PHLDB2: variants seen among roughly 807,000 people sequenced by gnomAD.
PHLDB2 encodes the protein pleckstrin homology like domain family B member 2, also known as pleckstrin homology-like domain family B member 2.
A neutral mutation model predicts 123.6 loss-of-function variants in PHLDB2; 71 were observed. That is an observed-to-expected ratio of 0.57 (90% CI 0.47 to 0.70). PHLDB2 has a LOEUF of 0.70. PHLDB2 is among the 30% of genes least tolerant of loss of function. The probability of loss-of-function intolerance (pLI) is 0.00; values close to 1 mark genes in which losing one functional copy is unlikely to be tolerated. For synonymous variants in PHLDB2, 547 were observed against 541.6 expected, an observed-to-expected ratio of 1.01 and a Z score of -0.14; for missense variants, 1,446 against 1,519.5, an observed-to-expected ratio of 0.95 and a Z score of 0.80.
intron 1 of PHLDB2, among the ~76,000 whole-genome samples, chr3:111,799,359 A>C (rs2061294408): frequency 6.6e-6 from 1 of 152,260 alleles, no homozygotes; most frequent in African/African-American, 2.4e-5. Context: ...TGCTGTAAAT[A>C]AAAGAGGAAT....
intron 2 of PHLDB2, among the ~76,000 whole-genome samples, chr3:111,888,430 A>G (rs1366258893): frequency 6.6e-6 from 1 of 152,106 alleles, no homozygotes; most frequent in African/African-American, 2.4e-5. Flanking sequence ...TCACTTGAGT[A>G]ATAAAGAATT....
chr3:111,857,460 A>G (rs111452080), upstream of PHLDB2, among the ~76,000 whole-genome samples: 1 of 81,072 alleles, frequency 1.2e-5, no homozygotes, highest in Non-Finnish European at 2.7e-5. Flanking sequence ...CAAAAAAAAA[A>G]AAAAGAAAAG....
chr3:111,866,320 A>G (rs2065079595), intron 1 of PHLDB2, among the ~76,000 whole-genome samples: 9 of 152,002 alleles, frequency 5.9e-5, no homozygotes, highest in Admixed American at 5.9e-4. Context: ...GCCCGGCCTC[A>G]TGTACTCAAT....
chr3:111,855,629 CTTTTTTTT>C (rs11368889), upstream of PHLDB2, among the ~76,000 whole-genome samples: 12,549 of 80,392 alleles, frequency 0.16, 773 homozygotes, highest in South Asian at 0.28. Context: ...CTGCATTTGT[CTTTTTTTT>C]TTTTTTTTTT....
chr3:111,931,822 T>C (rs1226305070), intron 5 of PHLDB2, among the ~76,000 whole-genome samples: 2 of 152,226 alleles, frequency 1.3e-5, no homozygotes, highest in Non-Finnish European at 2.9e-5. Flanking sequence ...AAACTTGCCA[T>C]ACAAAGGCCT....
chr3:111,824,331 G>A (rs2067264575), intron 1 of PHLDB2, among the ~76,000 whole-genome samples: 1 of 152,174 alleles, frequency 6.6e-6, no homozygotes, highest in South Asian at 2.1e-4. Context: ...GCTGTTAATG[G>A]TGGCCTAAAG....
At chr3:111,764,309 A>G (rs756369926) in intron 1 of PHLDB2, among the ~76,000 whole-genome samples, 4 of 152,236 alleles carry the variant, frequency 2.6e-5, no homozygotes, top group Non-Finnish European at 5.9e-5. Context: ...TTCTCCTAAA[A>G]GCACTTACAA....
intron 1 of PHLDB2, among the ~76,000 whole-genome samples, chr3:111,757,293 A>T (rs898987344): frequency 6.6e-6 from 1 of 152,040 alleles, no homozygotes. Flanking sequence ...CACCAATCAG[A>T]TGTAGATTTG....
At chr3:111,955,282 TA>T (rs1302323140) in intron 12 of PHLDB2, among the ~76,000 whole-genome samples, 1 of 151,742 alleles carries the variant, frequency 6.6e-6, no homozygotes, top group African/African-American at 2.4e-5. Context: ...TTGAATCAAA[TA>T]AACTGATTGA....
intron 1 of PHLDB2, among the ~76,000 whole-genome samples, chr3:111,802,711 C>G (rs760440683): frequency 1.3e-5 from 2 of 152,216 alleles, no homozygotes; most frequent in Non-Finnish European, 2.9e-5. Context: ...ACATTCGTTA[C>G]AGCAGAGTGA....
chr3:111,823,121 G>A (rs2062486799), intron 1 of PHLDB2, among the ~76,000 whole-genome samples: 1 of 152,218 alleles, frequency 6.6e-6, no homozygotes, highest in Non-Finnish European at 1.5e-5. Context: ...CTTCCAAGTG[G>A]TTGCAAGCCA....
At chr3:111,910,005 T>A (rs1014865628) in intron 2 of PHLDB2, among the ~76,000 whole-genome samples, 2 of 152,092 alleles carry the variant, frequency 1.3e-5, no homozygotes, top group African/African-American at 4.8e-5. Flanking sequence ...CAAGGGCCCT[T>A]GGATGGGTTT....
intron 1 of PHLDB2, among the ~76,000 whole-genome samples, chr3:111,739,733 T>A (rs1447174379): frequency 6.6e-6 from 1 of 152,102 alleles, no homozygotes; most frequent in Non-Finnish European, 1.5e-5. Context: ...AGGTTGTTGC[T>A]AACTGGGTGC....
intron 1 of PHLDB2, among the ~76,000 whole-genome samples, chr3:111,844,856 G>A (rs1236404276): frequency 2.0e-5 from 3 of 152,160 alleles, no homozygotes; most frequent in African/African-American, 7.2e-5. Context: ...GAGACATTGT[G>A]AGAATCAAGT....
At chr3:111,837,444 G>T (rs1191205422) in intron 1 of PHLDB2, among the ~76,000 whole-genome samples, 1 of 151,956 alleles carries the variant, frequency 6.6e-6, no homozygotes, top group East Asian at 1.9e-4. Context: ...TGCTCTTTGG[G>T]GTGCATAGTA....
chr3:111,806,684 C>T (rs1353868933), intron 1 of PHLDB2, among the ~76,000 whole-genome samples: 1 of 152,064 alleles, frequency 6.6e-6, no homozygotes, highest in Non-Finnish European at 1.5e-5. Flanking sequence ...CAGGGTTTCA[C>T]CACACTGGCC....
intron 1 of PHLDB2, among the ~76,000 whole-genome samples, chr3:111,765,245 G>T (rs1421036845): frequency 6.6e-6 from 1 of 152,192 alleles, no homozygotes; most frequent in Non-Finnish European, 1.5e-5. Flanking sequence ...AGGAAGTTGT[G>T]ATATCAGCAC....
chr3:111,833,940 TGG>T lies in PHLDB2; in HGVS notation c.-48-11880_-48-11879del, dbSNP rs1398323188. Reference sequence around the variant, plus strand: ...AGAATTATATATATAATATATGTAATGGAATTATATATATAATATATGTAATG... The same window carrying T: ...AGAATTATATATATAATATATGTAATAATTATATATATAATATATGTAATG... On this transcript the variant is annotated intron_variant, in intron 1 of 17. Coordinates refer to the PHLDB2 transcript ENST00000393923. Among the ~76,000 whole-genome samples the T allele has an allele frequency of 2.2e-5, 2 of 90,900 alleles. 1 individual carries two copies. Among genetic ancestry groups the T allele is most frequent in the African/African-American group, 9.2e-5 (2 of 21,680 alleles). 59.6% of individuals were successfully genotyped at this position (90,900 alleles called of 152,430 possible).
At chr3:111,961,751 C>T (rs186535779) in intron 12 of PHLDB2, among the ~76,000 whole-genome samples, 1 of 152,202 alleles carries the variant, frequency 6.6e-6, no homozygotes, top group Non-Finnish European at 1.5e-5. Flanking sequence ...CACTAGGAGG[C>T]ATCTTATTTT....
Sources: gnomAD v4.1 joint callset for allele counts (sites outside exome capture counted in the v4.1 genomes callset) on GRCh38, gnomAD v4.1.1 for gene constraint, MANE v1.5 for transcripts, NCBI Gene and HGNC (gene_info 2026-07-23, HGNC 2026-07-21) for gene names.